CDH23: variants seen among roughly 807,000 people sequenced by gnomAD.
CDH23 encodes cadherin related 23, also known as cadherin-23.
CDH23 carries 189 observed loss-of-function variants against 317.1 expected under a neutral mutation model. The observed-to-expected ratio is 0.60, with a 90% CI of 0.53 to 0.67. The LOEUF (loss-of-function observed/expected upper bound fraction) is 0.67. Ranked by LOEUF, CDH23 falls within the 30% of genes least tolerant of loss-of-function variation. The pLI is 0.00. For missense variants in CDH23, 4,401 were observed against 4,592.4 expected (o/e 0.96, Z 1.20); for synonymous variants, 1,839 against 1,876.8 (o/e 0.98, Z 0.52).
At chr10:71,431,218 C>T (rs943489737) in intron 1 of CDH23, among the ~76,000 whole-genome samples, 1 of 152,198 alleles carries the variant, frequency 6.6e-6, no homozygotes, top group South Asian at 2.1e-4. Context: ...TTTTAAGAGT[C>T]GGTGAGGGGA....
At chr10:71,441,181 C>T (rs1426612051) in intron 2 of CDH23, among the ~76,000 whole-genome samples, 4 of 152,108 alleles carry the variant, frequency 2.6e-5, no homozygotes, top group Non-Finnish European at 5.9e-5. Flanking sequence ...TGGCCCAAGG[C>T]TGTACAAAGC....
At chr10:71,472,335 C>T (rs1169624655) in intron 3 of CDH23, among the ~76,000 whole-genome samples, 3 of 152,204 alleles carry the variant, frequency 2.0e-5, no homozygotes, top group Admixed American at 1.3e-4. Context: ...TTGTCCCTCC[C>T]GCAAAGGGCT....
intron 11 of CDH23, among the ~76,000 whole-genome samples, chr10:71,622,518 G>T (rs571195498): frequency 3.9e-5 from 6 of 152,270 alleles, no homozygotes; most frequent in Non-Finnish European, 7.3e-5. Context: ...AAGGGGGCGG[G>T]GGACGGAGGC....
chr10:71,533,742 G>A (rs941807129), intron 6 of CDH23, among the ~76,000 whole-genome samples: 1 of 152,160 alleles, frequency 6.6e-6, no homozygotes, highest in Non-Finnish European at 1.5e-5. Flanking sequence ...GGATGCAGTT[G>A]TAGCTCTGCT....
intron 47 of CDH23, 26 bp from the exon 48 acceptor site, chr10:71,793,156 G>A: frequency 6.4e-7 from 1 of 1,568,884 alleles, no homozygotes; most frequent in East Asian, 2.3e-5. Context: ...ACTGTGCGCA[G>A]CTACTCCCTT....
At chr10:71,680,819 T>TC (rs1707701916) in intron 17 of CDH23, among the ~76,000 whole-genome samples, 1 of 114,418 alleles carries the variant, frequency 8.7e-6, no homozygotes, top group Non-Finnish European at 2.0e-5. Flanking sequence ...TCTTTTTTTT[T>TC]TTTCTTTTTC....
At chr10:71,770,585 G>T (rs1283485101) in intron 38 of CDH23, among the ~76,000 whole-genome samples, 4 of 152,212 alleles carry the variant, frequency 2.6e-5, no homozygotes, top group Non-Finnish European at 5.9e-5. Flanking sequence ...CTGGGTCATT[G>T]GTTGGCTAAA....
At chr10:71,551,653 C>G (rs960200835) in intron 6 of CDH23, among the ~76,000 whole-genome samples, 1 of 152,164 alleles carries the variant, frequency 6.6e-6, no homozygotes, top group Non-Finnish European at 1.5e-5. Flanking sequence ...TGGTTTCCCT[C>G]TTTTCTTAGT....
intron 66 of CDH23, 83 bp downstream of exon 66, chr10:71,812,098 C>A: frequency 5.6e-6 from 9 of 1,609,252 alleles, no homozygotes; most frequent in Non-Finnish European, 6.8e-6. Context: ...TCTCCCAGCG[C>A]TGGGGCTGCC....
intron 32 of CDH23, 70 bp downstream of exon 32, chr10:71,732,445 G>A: frequency 1.3e-6 from 2 of 1,537,984 alleles, no homozygotes; most frequent in Non-Finnish European, 8.8e-7. Context: ...CCTTCTGTGT[G>A]CACAGCACTC....
At chr10:71,513,642 T>C (rs1038420581) in intron 6 of CDH23, among the ~76,000 whole-genome samples, 8 of 152,136 alleles carry the variant, frequency 5.3e-5, no homozygotes, top group African/African-American at 1.9e-4. Flanking sequence ...AGAGTCTGGC[T>C]GAGGTAAGCA....
At chr10:71,746,976 G>T (rs988331724) in intron 38 of CDH23, among the ~76,000 whole-genome samples, 1 of 152,180 alleles carries the variant, frequency 6.6e-6, no homozygotes, top group African/African-American at 2.4e-5. Flanking sequence ...CTTGGACCCT[G>T]CTATTGTGAA....
chr10:71,646,914 G>A (rs573416276), intron 14 of CDH23: 6 of 1,413,822 alleles, frequency 4.2e-6, no homozygotes, highest in Non-Finnish European at 5.5e-6. Context: ...TGGGAGCCCT[G>A]GAAGCCCCCT....
chr10:71,570,114 G>C (rs1857684557), intron 7 of CDH23, among the ~76,000 whole-genome samples: 1 of 152,044 alleles, frequency 6.6e-6, no homozygotes, highest in South Asian at 2.1e-4. Context: ...TGGCTGCAGG[G>C]GGATGGCCTG....
rs1002750099 is a variant in CDH23 at position 71,463,473 on chromosome 10, C to T, written c.145+17078C>T. Reference sequence around the variant, plus strand: ...ATGAACAATGGGTTGAGGGCCACCCCGCATCCCCTGCCATTCTTCCTGCTC... The same window carrying T: ...ATGAACAATGGGTTGAGGGCCACCCTGCATCCCCTGCCATTCTTCCTGCTC... On this transcript the variant is annotated intron_variant, in intron 3 of 69. Transcript: ENST00000224721. 7.9e-5 allele frequency among the ~76,000 whole-genome samples: 12 copies of T among 152,322 alleles called. No individual in the cohort carries two copies. In the East Asian group the frequency reaches 2.1e-3, roughly 27 times the overall value.
At chr10:71,703,015 A>G (rs1865649994) in intron 24 of CDH23, among the ~76,000 whole-genome samples, 1 of 152,176 alleles carries the variant, frequency 6.6e-6, no homozygotes, top group African/African-American at 2.4e-5. Context: ...GAATACAAAG[A>G]AGGCCAGATG....
intron 9 of CDH23, among the ~76,000 whole-genome samples, chr10:71,606,267 A>G (rs1564682906): frequency 6.6e-6 from 1 of 152,224 alleles, no homozygotes; most frequent in Non-Finnish European, 1.5e-5. Context: ...GTTCACACCT[A>G]CTTGAGGGAC....
intron 30 of CDH23, among the ~76,000 whole-genome samples, chr10:71,729,585 G>A (rs1056409045): frequency 1.3e-5 from 2 of 152,224 alleles, no homozygotes; most frequent in Non-Finnish European, 2.9e-5. Context: ...GTGCAGTGGG[G>A]TGGGGTTGGT....
At chr10:71,425,282 A>AAAGG (rs1342440000) in intron 1 of CDH23, among the ~76,000 whole-genome samples, 1 of 142,328 alleles carries the variant, frequency 7.0e-6, no homozygotes. Flanking sequence ...AGGAAGGAAG[A>AAAGG]AAGGAAGGAA....
Sources: allele counts gnomAD v4.1 joint callset (sites outside exome capture counted in the v4.1 genomes callset), GRCh38; gene constraint gnomAD v4.1.1; transcripts MANE v1.5; gene names NCBI Gene and HGNC (gene_info 2026-07-23, HGNC 2026-07-21).